UNC13C: variants seen among roughly 807,000 people sequenced by gnomAD.
UNC13C encodes the protein unc-13 homolog C, also known as protein unc-13 homolog C.
In UNC13C, 174 loss-of-function variants were observed where a neutral mutation model predicts 245.4. That is an observed-to-expected ratio of 0.71 (90% CI 0.63 to 0.80). The LOEUF (loss-of-function observed/expected upper bound fraction) is 0.80, where lower values mean the gene tolerates loss of function less well. UNC13C is among the 30% of genes least tolerant of loss of function. UNC13C has a pLI of 0.00. For synonymous variants in UNC13C, 992 were observed against 895.1 expected, an observed-to-expected ratio of 1.11 and a Z score of -1.93; for missense variants, 2,829 against 2,602.9, an observed-to-expected ratio of 1.09 and a Z score of -1.89.
In UNC13C at chr15:54,300,243, A is replaced by G; in HGVS notation, c.4138A>G (p.Asn1380Asp). The G allele has an allele frequency of 1.9e-6, 3 of 1,600,376 alleles. No homozygotes were observed. Among genetic ancestry groups the G allele is most frequent in the Non-Finnish European group, 2.6e-6 (3 of 1,172,810 alleles). ...CCATTACTTGACTGAAGTGAAATCT[A>G]ATGGTGGAGTGAAAATCCCAGAAGT... ...LFHYLTEVKS[N>D]GGVKIPEVKG... is the part of the protein sequence containing the mutation. Residue 1380 changes from asparagine (N) to aspartate (D), a missense_variant, in exon 13 of 33, where the codon AAT becomes GAT. By Grantham distance (23) the Asn-to-Asp change is conservative (BLOSUM62 1). Coordinates refer to ENST00000260323, the MANE Select transcript of UNC13C (RefSeq NM_001080534.3).
intron 2 of UNC13C, among the ~76,000 whole-genome samples, chr15:54,136,723 G>C (rs112463887): frequency 6.6e-6 from 1 of 152,004 alleles, no homozygotes; most frequent in Admixed American, 6.6e-5. Context: ...GCATTCCCTC[G>C]ATATCTGATT....
chr15:54,254,454 T>C (rs975873711), intron 8 of UNC13C, among the ~76,000 whole-genome samples: 2 of 152,242 alleles, frequency 1.3e-5, no homozygotes, highest in African/African-American at 4.8e-5. Flanking sequence ...GGATTCCTTT[T>C]ATCCACTGCT....
the UNC13C span, among the ~76,000 whole-genome samples, chr15:53,888,724 G>A: frequency 6.6e-6 from 1 of 152,128 alleles, no homozygotes; most frequent in Non-Finnish European, 1.5e-5. Flanking sequence ...GTTGATTTTT[G>A]TATAAGGTGT....
chr15:54,522,421 T>C (rs1596511120), intron 24 of UNC13C, among the ~76,000 whole-genome samples: 1 of 151,754 alleles, frequency 6.6e-6, no homozygotes, highest in African/African-American at 2.4e-5. Context: ...GAGGTTGCAG[T>C]GAGCCAAGAT....
At chr15:54,598,629 T>C (rs1393767175) in intron 30 of UNC13C, among the ~76,000 whole-genome samples, 1 of 150,740 alleles carries the variant, frequency 6.6e-6, no homozygotes, top group East Asian at 1.9e-4. Context: ...GTTCAAGCAC[T>C]GTAAAGTTTA....
chr15:54,258,283 C>T (rs1317627065), intron 8 of UNC13C, among the ~76,000 whole-genome samples: 2 of 152,042 alleles, frequency 1.3e-5, no homozygotes, highest in African/African-American at 2.4e-5. Context: ...CTGCAGACAC[C>T]GTCCGCGTGA....
At chr15:54,358,231 A>G (rs1353101241) in intron 17 of UNC13C, among the ~76,000 whole-genome samples, 1 of 151,940 alleles carries the variant, frequency 6.6e-6, no homozygotes, top group African/African-American at 2.4e-5. Flanking sequence ...GCTTTGTGGT[A>G]TGTTTTGGGG....
intron 19 of UNC13C, among the ~76,000 whole-genome samples, chr15:54,473,204 A>ATTTAT (rs201127835): frequency 0.032 from 4,400 of 136,304 alleles, 171 homozygotes; most frequent in Admixed American, 0.13. Context: ...TTTATTGATT[A>ATTTAT]TTTATTTTAT....
At chr15:54,017,852 C>G (rs1428619277) in intron 2 of UNC13C, among the ~76,000 whole-genome samples, 2 of 152,116 alleles carry the variant, frequency 1.3e-5, no homozygotes, top group African/African-American at 4.8e-5. Flanking sequence ...TGAGGCCTGG[C>G]TATAGAGGAC....
chr15:53,843,499 C>CT, the UNC13C span, among the ~76,000 whole-genome samples: 14 of 150,710 alleles, frequency 9.3e-5, no homozygotes, highest in Non-Finnish European at 1.5e-4. Context: ...TAGGGTGGCT[C>CT]TTTTTTTTTG....
At chr15:54,240,685 C>A (rs1347051852) in intron 7 of UNC13C, among the ~76,000 whole-genome samples, 2 of 152,158 alleles carry the variant, frequency 1.3e-5, no homozygotes, top group African/African-American at 4.8e-5. Context: ...GCTATTAGGA[C>A]TGATTGAGAA....
At chr15:53,973,886 A>G (rs1291068313), upstream of UNC13C, among the ~76,000 whole-genome samples, 1 of 152,206 alleles carries the variant, frequency 6.6e-6, no homozygotes, top group Non-Finnish European at 1.5e-5. Flanking sequence ...ACTCCATTTA[A>G]TTATTAATTT....
At chr15:53,894,113 G>T in the UNC13C span, among the ~76,000 whole-genome samples, 7 of 152,178 alleles carry the variant, frequency 4.6e-5, no homozygotes, top group Admixed American at 4.6e-4. Context: ...CGACACCTGT[G>T]CTTCCCAGGT....
At chr15:54,583,501 C>T (rs1250433453) in intron 30 of UNC13C, among the ~76,000 whole-genome samples, 2 of 152,058 alleles carry the variant, frequency 1.3e-5, no homozygotes, top group African/African-American at 4.8e-5. Context: ...AATGACATTG[C>T]CATTTTACAT....
At chr15:53,869,164 G>C in the UNC13C span, among the ~76,000 whole-genome samples, 1 of 152,126 alleles carries the variant, frequency 6.6e-6, no homozygotes, top group Admixed American at 6.5e-5. Context: ...AAAAGAGATA[G>C]ACCCTGGATC....
At chr15:54,231,099 T>C (rs1302864541) in intron 4 of UNC13C, among the ~76,000 whole-genome samples, 1 of 152,048 alleles carries the variant, frequency 6.6e-6, no homozygotes, top group East Asian at 1.9e-4. Flanking sequence ...AGGGGTCATT[T>C]GAGGAATACT....
the UNC13C span, among the ~76,000 whole-genome samples, chr15:53,943,033 T>C: frequency 1.3e-4 from 20 of 152,340 alleles, no homozygotes; most frequent in African/African-American, 4.3e-4. Flanking sequence ...AACATGTTAG[T>C]TTATATTTTA....
At chr15:54,409,390 T>C (rs2040372198) in intron 18 of UNC13C, among the ~76,000 whole-genome samples, 1 of 152,144 alleles carries the variant, frequency 6.6e-6, no homozygotes, top group Non-Finnish European at 1.5e-5. Context: ...CCAACTTTTA[T>C]GTGAGGTTCA....
the UNC13C span, among the ~76,000 whole-genome samples, chr15:53,925,982 C>G: frequency 1.3e-5 from 2 of 152,132 alleles, no homozygotes; most frequent in African/African-American, 4.8e-5. Flanking sequence ...TGATCAAACC[C>G]CAGTGGGAAC....
Sources: allele counts gnomAD v4.1 joint callset (sites outside exome capture counted in the v4.1 genomes callset), GRCh38; gene constraint gnomAD v4.1.1; transcripts MANE v1.5; gene names NCBI Gene and HGNC (gene_info 2026-07-23, HGNC 2026-07-21).